The following PRR14L variants were observed in gnomAD, a reference collection of about 807,000 sequenced individuals.
The protein encoded by PRR14L is protein PRR14L.
In PRR14L, 80 loss-of-function variants were observed where a neutral mutation model predicts 155.0. That is an observed-to-expected ratio of 0.52 (90% CI 0.43 to 0.62). The LOEUF (loss-of-function observed/expected upper bound fraction) is 0.62. PRR14L is among the 20% of genes least tolerant of loss of function. PRR14L has a pLI of 0.00. For missense variants in PRR14L, 2,469 were observed against 2,548.0 expected, an observed-to-expected ratio of 0.97 and a Z score of 0.67; for synonymous variants, 883 against 916.0, an observed-to-expected ratio of 0.96 and a Z score of 0.65.
intron 2 of PRR14L, among the ~76,000 whole-genome samples, chr22:31,736,248 T>C (rs985219015): frequency 1.4e-5 from 2 of 147,996 alleles, no homozygotes; most frequent in African/African-American, 5.0e-5. Flanking sequence ...TAGCCGGGTG[T>C]GGAGGCACAT....
chr22:31,704,246 T>A (rs1364018469), intron 5 of PRR14L, among the ~76,000 whole-genome samples: 4 of 152,194 alleles, frequency 2.6e-5, no homozygotes, highest in African/African-American at 9.7e-5. Context: ...TTTATTGCTA[T>A]GGAATTTTAT....
intron 4 of PRR14L, 25 bp from the exon 5 acceptor site, chr22:31,704,751 G>C: frequency 6.3e-7 from 1 of 1,593,202 alleles, no homozygotes; most frequent in Non-Finnish European, 8.6e-7. Context: ...AAGTACAAAA[G>C]CAATAGGTAA....
chr22:31,734,989 G>GT lies in PRR14L; in HGVS notation c.474+3397dup, dbSNP rs555848357. Among the ~76,000 whole-genome samples the GT allele has an allele frequency of 1.6e-4, 24 of 152,224 alleles. 1 individual carries two copies. In the South Asian group the frequency reaches 4.6e-3, roughly 29 times the overall value. ...CAGGTCTTCCGTTTCCCCTTTCCCC[G>GT]TAAGTATTTCTGTTTCTTTTCAATT... On this transcript the variant is annotated intron_variant, in intron 2 of 8. Coordinates refer to ENST00000327423, the MANE Select transcript of PRR14L (RefSeq NM_173566.3).
chr22:31,744,247 C>G (rs912156713), intron 1 of PRR14L, among the ~76,000 whole-genome samples: 1 of 151,900 alleles, frequency 6.6e-6, no homozygotes, highest in African/African-American at 2.4e-5. Context: ...ATTCTCCCGC[C>G]CCAGCCTCCT....
chr22:31,706,487 C>T (rs79748663), intron 4 of PRR14L, among the ~76,000 whole-genome samples: 2 of 145,224 alleles, frequency 1.4e-5, no homozygotes, highest in Non-Finnish European at 3.0e-5. Context: ...TGCAGTGGCG[C>T]GATCTCATCT....
intron 6 of PRR14L, 102 bp from the exon 7 acceptor site, chr22:31,701,864 G>A: frequency 3.5e-6 from 3 of 855,842 alleles, no homozygotes; most frequent in Non-Finnish European, 5.5e-6. Flanking sequence ...CTGGTGTGAA[G>A]TGGTGCAATC....
chr22:31,698,405 C>A (rs890738698), intron 7 of PRR14L, among the ~76,000 whole-genome samples: 4 of 151,970 alleles, frequency 2.6e-5, no homozygotes, highest in African/African-American at 9.7e-5. Context: ...GTCCAATATA[C>A]TTTTCTCTTA....
At chr22:31,737,990 G>T (rs1904667040) in intron 2 of PRR14L, among the ~76,000 whole-genome samples, 1 of 151,790 alleles carries the variant, frequency 6.6e-6, no homozygotes, top group African/African-American at 2.4e-5. Flanking sequence ...ACTCCAGCCT[G>T]GGTGACAGAA....
chr22:31,717,042 G>A lies in PRR14L; in HGVS notation c.797C>T (p.Thr266Ile), dbSNP rs2074664232. 3.2e-6 allele frequency: 5 copies of A among 1,551,686 alleles called. No homozygotes were observed. Among genetic ancestry groups the A allele is most frequent in the Non-Finnish European group, 4.4e-6 (5 of 1,147,024 alleles). The change falls in exon 4 of 9, where the codon ACT becomes ATT. Residue 266 changes from threonine (T) to isoleucine (I), a missense_variant. By Grantham distance (89) the Thr-to-Ile change is moderately conservative. Transcript: ENST00000327423. ...TTCTTCACATTCTTTTTCTTTAGGAGTTGCTTCTGTTAATACAGGGTCCAC... is the reference window on the plus strand; with the variant it reads ...TTCTTCACATTCTTTTTCTTTAGGAATTGCTTCTGTTAATACAGGGTCCAC... ...TFVDPVLTEATPKEKECEELK... is the reference protein window; with the variant it reads ...TFVDPVLTEAIPKEKECEELK...
intron 7 of PRR14L, among the ~76,000 whole-genome samples, chr22:31,694,677 G>A (rs1361431364): frequency 5.3e-5 from 8 of 150,458 alleles, no homozygotes; most frequent in African/African-American, 1.2e-4. Flanking sequence ...GCGTGAACCC[G>A]GGAGGCAGAG....
rs369742671 is a variant in PRR14L at position 31,695,586 on chromosome 22, T to C, written c.6107+6070A>G. On this transcript the variant is annotated intron_variant, in intron 7 of 8. Coordinates refer to ENST00000327423, the MANE Select transcript of PRR14L (RefSeq NM_173566.3). ...CCTCAGTGGTAACCTGACTTCCTGA[T>C]GGTCATTTCCTGTCACTCTCCTGAA... Among the ~76,000 whole-genome samples, 5 of 152,290 alleles carry C rather than the reference T, an allele frequency of 3.3e-5. No homozygotes were observed. The East Asian group carries it at 7.7e-4, about 24-fold the overall frequency.
Position 31,715,534 on chromosome 22 carries a change from G to C in PRR14L, c.2305C>G (p.Pro769Ala). 6.4e-7 allele frequency: 1 copy of C among 1,552,168 alleles called. No individual in the cohort carries two copies. Among genetic ancestry groups the C allele is most frequent in the Non-Finnish European group, 8.7e-7 (1 of 1,147,080 alleles). Residue 769 changes from proline (P) to alanine (A), a missense_variant, in exon 4 of 9, where the codon CCT becomes GCT. Coordinates refer to ENST00000327423, the MANE Select transcript of PRR14L (RefSeq NM_173566.3). ...CATTCTATGACAGAGACCACTTGAG[G>C]AAAGCCAGCTGCTTCTCTCTTATTT... ...RSNKREAAGF[P>A]QVVSVIECHS...
intron 1 of PRR14L, among the ~76,000 whole-genome samples, chr22:31,746,976 T>G (rs1393762704): frequency 1.3e-5 from 2 of 151,918 alleles, no homozygotes; most frequent in East Asian, 3.9e-4. Context: ...TTTTTATTTT[T>G]TTTATTTTTA....
Position 31,715,518 on chromosome 22 carries a change from A to T in PRR14L, c.2321T>A (p.Val774Asp). ...AGATTGAACGCTGTGACATTCTATG[A>T]CAGAGACCACTTGAGGAAAGCCAGC... ...EAAGFPQVVS[V>D]IECHSVQSQD... The change falls in exon 4 of 9, where the codon GTC (valine) becomes GAC (aspartate). Residue 774 changes from valine to aspartate, a missense_variant. Physicochemically the swap from Val to Asp is radical, Grantham distance 152. Transcript: ENST00000327423. 1 of 1,552,278 alleles carries T rather than the reference A, an allele frequency of 6.4e-7. No individual in the cohort carries two copies. Among genetic ancestry groups the T allele is most frequent in the Non-Finnish European group, 8.7e-7 (1 of 1,147,112 alleles).
At chr22:31,739,636 C>A (rs536134482) in intron 1 of PRR14L, among the ~76,000 whole-genome samples, 2 of 152,190 alleles carry the variant, frequency 1.3e-5, no homozygotes, top group Non-Finnish European at 2.9e-5. Flanking sequence ...TGTTTTAGAT[C>A]CTAACACCAC....
chr22:31,696,174 C>T (rs901201088), intron 7 of PRR14L, among the ~76,000 whole-genome samples: 16 of 150,410 alleles, frequency 1.1e-4, no homozygotes, highest in Non-Finnish European at 2.4e-4. Context: ...TGGGGTCTTG[C>T]TCTATTGCCC....
chr22:31,711,969 T>C (rs2074625518), intron 4 of PRR14L, 114 bp downstream of exon 4: 3 of 985,248 alleles, frequency 3.0e-6, no homozygotes, highest in Non-Finnish European at 4.5e-6. Flanking sequence ...AAATAGAAAA[T>C]GCAGACCCAA....
intron 6 of PRR14L, among the ~76,000 whole-genome samples, chr22:31,703,194 C>T (rs1330237300): frequency 6.6e-6 from 1 of 152,204 alleles, no homozygotes; most frequent in Non-Finnish European, 1.5e-5. Context: ...TTGAGACTGT[C>T]AACATGAAAG....
At chr22:31,749,839 C>A (rs1424094616) in intron 1 of PRR14L, among the ~76,000 whole-genome samples, 154 bp downstream of exon 1, 3 of 152,362 alleles carry the variant, frequency 2.0e-5, no homozygotes, top group African/African-American at 2.4e-5. Flanking sequence ...CTGGGTCGTT[C>A]CGCCGCCCAC....
Sources: gnomAD v4.1 joint callset for allele counts (sites outside exome capture counted in the v4.1 genomes callset) on GRCh38, gnomAD v4.1.1 for gene constraint, MANE v1.5 for transcripts, NCBI Gene and HGNC (gene_info 2026-07-23, HGNC 2026-07-21) for gene names.